The following MTAP variants were observed in gnomAD, a reference collection of about 807,000 sequenced individuals.
MTAP encodes methylthioadenosine phosphorylase.
A neutral mutation model predicts 33.6 loss-of-function variants in MTAP; 33 were observed. The observed-to-expected ratio is 0.98, with a 90% CI of 0.74 to 1.31. MTAP has a LOEUF of 1.31. Among genes scored for constraint, MTAP ranks in the 40% most tolerant of loss-of-function variants. The pLI, the probability that MTAP is intolerant of heterozygous loss-of-function variation, is 0.00. For synonymous variants in MTAP, 148 were observed against 125.7 expected (o/e 1.18, Z -1.19); for missense variants, 367 against 360.0 (o/e 1.02, Z -0.16).
Position 21,888,680 on chromosome 9 carries a change from C to T in MTAP, c.147+33810C>T, listed in dbSNP as rs146694971. 4.1e-3 allele frequency among the ~76,000 whole-genome samples: 631 copies of T among 152,084 alleles called. 4 individuals carry two copies. Among genetic ancestry groups the T allele is most frequent in the Middle Eastern group, 6.8e-3 (2 of 294 alleles). ...TCCATTTGCATGGAATATCTTTTTCCACCGCTTTACCTTAAGTTTATGTCA... is the reference window on the plus strand; with the variant it reads ...TCCATTTGCATGGAATATCTTTTTCTACCGCTTTACCTTAAGTTTATGTCA... On this transcript the variant is annotated intron_variant, in intron 1 of 1. Transcript: ENST00000577563.
intron 1 of MTAP, among the ~76,000 whole-genome samples, chr9:21,877,055 T>C (rs968956080): frequency 6.6e-6 from 1 of 152,190 alleles, no homozygotes; most frequent in African/African-American, 2.4e-5. Context: ...TTTGTAATTC[T>C]CCTTGTGGAA....
chr9:21,925,214 C>T (rs1437369513), intron 1 of MTAP, among the ~76,000 whole-genome samples: 1 of 152,174 alleles, frequency 6.6e-6, no homozygotes, highest in Non-Finnish European at 1.5e-5. Flanking sequence ...AGATCAAGGA[C>T]CTCTTGGAAA....
chr9:21,881,636 G>A (rs1818012413), intron 1 of MTAP, among the ~76,000 whole-genome samples: 1 of 151,942 alleles, frequency 6.6e-6, no homozygotes, highest in Non-Finnish European at 1.5e-5. Flanking sequence ...ATTGCTGCTT[G>A]ACATCAGTAA....
At chr9:21,823,510 G>A (rs932976494) in intron 4 of MTAP, among the ~76,000 whole-genome samples, 13 of 152,276 alleles carry the variant, frequency 8.5e-5, no homozygotes, top group African/African-American at 3.1e-4. Context: ...TTCCCTTGTG[G>A]GTAACCCGAC....
chr9:21,823,202 T>G (rs1824692771), intron 4 of MTAP, among the ~76,000 whole-genome samples: 1 of 152,250 alleles, frequency 6.6e-6, no homozygotes, highest in East Asian at 1.9e-4. Context: ...GGTCGTTAGT[T>G]GATGCAGTTT....
chr9:21,901,422 A>G (rs1028886713), intron 1 of MTAP, among the ~76,000 whole-genome samples: 2 of 152,212 alleles, frequency 1.3e-5, no homozygotes, highest in Non-Finnish European at 2.9e-5. Flanking sequence ...CTTGAAAATT[A>G]AAAGGGATAC....
At chr9:21,892,645 CAA>C (rs1211834593) in intron 1 of MTAP, 1 of 152,160 alleles carries the variant, frequency 6.6e-6, no homozygotes, top group Non-Finnish European at 1.5e-5. Flanking sequence ...CTTGATTCCA[CAA>C]AGAGACTTAG....
At chr9:21,888,356 A>C (rs1363088779) in intron 1 of MTAP, among the ~76,000 whole-genome samples, 1 of 152,060 alleles carries the variant, frequency 6.6e-6, no homozygotes, top group Non-Finnish European at 1.5e-5. Flanking sequence ...GGTATAGTTT[A>C]AGTCTATTGT....
At chr9:21,933,733 A>G (rs570594247), downstream of MTAP, 1 of 152,314 alleles carries the variant, frequency 6.6e-6, no homozygotes, top group South Asian at 2.1e-4. Context: ...TACCTGGCAC[A>G]TGGCTACAGT....
At chr9:21,847,895 C>T (rs1361913889) in intron 5 of MTAP, among the ~76,000 whole-genome samples, 3 of 152,186 alleles carry the variant, frequency 2.0e-5, no homozygotes, top group African/African-American at 7.2e-5. Context: ...CAGGTGTCTA[C>T]TGTTAAAGTG....
At chr9:21,819,270 C>T (rs1322153801) in intron 4 of MTAP, among the ~76,000 whole-genome samples, 1 of 151,936 alleles carries the variant, frequency 6.6e-6, no homozygotes. Flanking sequence ...GGGTATATCT[C>T]CTGATGCTTT....
At position 21,856,122 on chromosome 9, in the gene MTAP, C is replaced by T. The variant is rs139333618; in HGVS notation, c.690+1252C>T. On this transcript the variant is annotated intron_variant, in intron 6 of 7. Transcript: ENST00000644715. ...TGTTACTTGAATAAACTAGATCGTT[C>T]GTCCTGTCATTTATCTCATTTTAAG... 27 of 982,408 alleles carry T rather than the reference C, an allele frequency of 2.7e-5. No homozygotes were observed. The Admixed American group carries it at 3.1e-4, about 11-fold the overall frequency. The allele number at this position is 982,408 out of a possible 1,614,324, so 60.9% of individuals were successfully genotyped here.
chr9:21,838,305 G>A (rs372366134), intron 5 of MTAP, among the ~76,000 whole-genome samples: 7 of 152,324 alleles, frequency 4.6e-5, no homozygotes, highest in African/African-American at 1.4e-4. Context: ...TCAAGAGTAT[G>A]CAGTCTGGAG....
At chr9:21,824,631 C>T (rs1444218953) in intron 4 of MTAP, among the ~76,000 whole-genome samples, 6 of 152,234 alleles carry the variant, frequency 3.9e-5, no homozygotes, top group African/African-American at 1.4e-4. Flanking sequence ...TCAAAGCTGT[C>T]AGACAGGGAC....
chr9:21,874,619 C>A (rs1241607149), intron 1 of MTAP, among the ~76,000 whole-genome samples: 1 of 151,734 alleles, frequency 6.6e-6, no homozygotes, highest in Admixed American at 6.6e-5. Flanking sequence ...ATGGTAGTTT[C>A]TTCCGCTGTG....
chr9:21,865,103 C>A lies in MTAP; in HGVS notation c.*3089C>A. 1 of 984,956 alleles carries A rather than the reference C, an allele frequency of 1.0e-6. No homozygotes were observed. Among genetic ancestry groups the A allele is most frequent in the South Asian group, 4.7e-5 (1 of 21,284 alleles). The allele number at this position is 984,956 out of a possible 1,614,324, so 61.0% of individuals were successfully genotyped here. On this transcript the variant is annotated 3_prime_UTR_variant, in exon 8 of 8. Coordinates refer to ENST00000644715, the MANE Select transcript of MTAP (RefSeq NM_002451.4). ...GGTTTGGCGGTGTCCCCACCCAAAT[C>A]TCATGTTGAATTGTAGTTCCCATAA...
At chr9:21,938,259 G>C (rs1199823456), downstream of MTAP, among the ~76,000 whole-genome samples, 1 of 149,448 alleles carries the variant, frequency 6.7e-6, no homozygotes, top group African/African-American at 2.5e-5. Context: ...CGGCAACAGA[G>C]CGAGAGTCCT....
intron 5 of MTAP, among the ~76,000 whole-genome samples, chr9:21,850,106 A>T (rs1825476260): frequency 6.6e-6 from 1 of 152,222 alleles, no homozygotes; most frequent in Non-Finnish European, 1.5e-5. Context: ...TACATTGATG[A>T]CAGTACGCTG....
chr9:21,880,987 G>A (rs1818002655), intron 1 of MTAP, among the ~76,000 whole-genome samples: 1 of 151,982 alleles, frequency 6.6e-6, no homozygotes, highest in Admixed American at 6.6e-5. Flanking sequence ...TTGGAAGTCT[G>A]ACAATGCCTG....
Sources: allele counts gnomAD v4.1 joint callset (sites outside exome capture counted in the v4.1 genomes callset), GRCh38; gene constraint gnomAD v4.1.1; transcripts MANE v1.5; gene names NCBI Gene and HGNC (gene_info 2026-07-23, HGNC 2026-07-21).